Variants in CRTC1 observed in about 807,000 individuals in gnomAD.
The protein encoded by CRTC1 is CREB regulated transcription coactivator 1, also known as CREB-regulated transcription coactivator 1.
CRTC1 carries 18 observed loss-of-function variants against 66.1 expected under a neutral mutation model. The observed-to-expected ratio is 0.27, with a 90% confidence interval of 0.19 to 0.40. The LOEUF (loss-of-function observed/expected upper bound fraction) is 0.40, where lower values mean the gene tolerates loss of function less well. Ranked by LOEUF, CRTC1 falls within the 10% of genes least tolerant of loss-of-function variation. CRTC1 has a pLI of 1.00. For synonymous variants in CRTC1, 416 were observed against 398.8 expected (o/e 1.04, Z -0.51); for missense variants, 669 against 887.9 (o/e 0.75, Z 3.13).
chr19:18,774,997 GC>G lies in CRTC1; in HGVS notation c.1512+14del. The G allele has an allele frequency of 6.2e-7, 1 of 1,601,306 alleles. No homozygotes were observed. ...GCTCTGTCCCACCAGGTGAGCGGGC[GC>G]CCAGGCTGCCAGCCGGCCGGTGCCC... On this transcript the variant is annotated intron_variant, in intron 12 of 13. Transcript: ENST00000321949.
rs549633477 is a variant in CRTC1 at position 18,777,663 on chromosome 19, G to GC, written c.*286dup. On this transcript the variant is annotated 3_prime_UTR_variant, in exon 14 of 14. Coordinates refer to ENST00000321949, the MANE Select transcript of CRTC1 (RefSeq NM_015321.3). This position sits in a 1 kb window ranked among gnomAD's most constrained non-coding sequence, Gnocchi z 5.5. ...AGACCCTCCCTGCACTGGCTCCCTCGCCCCCAGCCCCGGGGCCTGAGCCGT... is the reference window on the plus strand; with the variant it reads ...AGACCCTCCCTGCACTGGCTCCCTCGCCCCCCAGCCCCGGGGCCTGAGCCGT... The GC allele has an allele frequency of 2.5e-5, 11 of 438,580 alleles. No homozygotes were observed. In the South Asian group the frequency reaches 2.6e-4, roughly 10 times the overall value. 27.2% of individuals were successfully genotyped at this position (438,580 alleles called of 1,614,324 possible).
chr19:18,775,550 G>C (rs1253306469), intron 12 of CRTC1, 91 bp from the exon 13 acceptor site: 1 of 1,185,274 alleles, frequency 8.4e-7, no homozygotes, highest in Admixed American at 3.1e-5. Context: ...CCCCAGCTGC[G>C]GGCAGGACAG....
chr19:18,761,906 T>A (rs1373844021), intron 8 of CRTC1, among the ~76,000 whole-genome samples: 2 of 151,836 alleles, frequency 1.3e-5, no homozygotes, highest in Non-Finnish European at 2.9e-5. Context: ...CTCCCACACC[T>A]GGGCCCTGGG....
intron 1 of CRTC1, among the ~76,000 whole-genome samples, chr19:18,696,861 A>G (rs2053001030): frequency 2.8e-5 from 1 of 35,782 alleles, no homozygotes; most frequent in African/African-American, 1.1e-4. Context: ...TGATGGTGAC[A>G]GGGATTATTG....
At chr19:18,737,290 G>A (rs923385797) in intron 1 of CRTC1, among the ~76,000 whole-genome samples, 3 of 152,026 alleles carry the variant, frequency 2.0e-5, no homozygotes, top group East Asian at 1.9e-4. Flanking sequence ...AGGGGGTCCC[G>A]GCGCAGGCTG....
chr19:18,760,607 C>T lies in CRTC1; in HGVS notation c.886+379C>T, dbSNP rs1479493363. Among the ~76,000 whole-genome samples the T allele has an allele frequency of 6.6e-6, 1 of 151,920 alleles. No homozygotes were observed. Among genetic ancestry groups the T allele is most frequent in the Non-Finnish European group, 1.5e-5 (1 of 67,920 alleles). ...GGGACCAGGCCTGACCTGCTTCCTC[C>T]ACCCGACATCTGACAGTGACCACCT... is the stretch of plus-strand genomic sequence containing the variant. On this transcript the variant is annotated intron_variant, in intron 8 of 13. Coordinates refer to ENST00000321949, the MANE Select transcript of CRTC1 (RefSeq NM_015321.3). The surrounding 1 kb of genome is among the most constrained non-coding windows in gnomAD (Gnocchi z 6.2).
In CRTC1 at chr19:18,768,635, G is replaced by A; in HGVS notation, c.1162G>A (p.Ala388Thr). 6.6e-7 allele frequency: 1 copy of A among 1,507,770 alleles called. No individual in the cohort carries two copies. The highest frequency in any genetic ancestry group is 8.9e-7 in the Non-Finnish European group (1 of 1,118,012). The allele number at this position is 1,507,770 out of a possible 1,614,324, so 93.4% of individuals were successfully genotyped here. ...QQPPPPPPPQAPVRLPPGGPL... is the reference protein window; with the variant it reads ...QQPPPPPPPQTPVRLPPGGPL... ...GCCACCACCCCCGCCACCCCCACAG[G>A]CGCCCGTCCGCCTGCCCCCTGGTGG... Residue 388 changes from alanine (A) to threonine (T), a missense_variant, in exon 10 of 14, where the codon GCG becomes ACG. By Grantham distance (58) the Ala-to-Thr change is moderately conservative. Coordinates refer to ENST00000321949, the MANE Select transcript of CRTC1 (RefSeq NM_015321.3). The surrounding 1 kb of genome is among the most constrained non-coding windows in gnomAD (Gnocchi z 5.6).
At chr19:18,700,511 T>TA (rs970019630) in intron 1 of CRTC1, among the ~76,000 whole-genome samples, 4 of 151,476 alleles carry the variant, frequency 2.6e-5, no homozygotes, top group South Asian at 2.1e-4. Flanking sequence ...TTTTTTTAAA[T>TA]AAAAAAAATG....
chr19:18,737,103 C>T (rs113717314), intron 1 of CRTC1, among the ~76,000 whole-genome samples: 9 of 152,208 alleles, frequency 5.9e-5, no homozygotes, highest in South Asian at 2.1e-4. Flanking sequence ...ACTTCCTGGG[C>T]GGGGCAGGGG....
intron 1 of CRTC1, among the ~76,000 whole-genome samples, chr19:18,710,237 C>T (rs2053360322): frequency 6.6e-6 from 1 of 152,192 alleles, no homozygotes; most frequent in African/African-American, 2.4e-5. Flanking sequence ...CTCCATCTAC[C>T]CACCCAGCTG....
At chr19:18,747,631 G>T (rs773088144) in intron 4 of CRTC1, among the ~76,000 whole-genome samples, 1 of 152,042 alleles carries the variant, frequency 6.6e-6, no homozygotes, top group Non-Finnish European at 1.5e-5. Flanking sequence ...AGACTCCATC[G>T]CAAGAAAAAG....
chr19:18,773,764 C>T (rs1300061154), intron 11 of CRTC1, among the ~76,000 whole-genome samples: 1 of 152,160 alleles, frequency 6.6e-6, no homozygotes, highest in Non-Finnish European at 1.5e-5. Context: ...TTGAGTGGGA[C>T]GTCCAACCTC....
chr19:18,760,819 C>G lies in CRTC1; in HGVS notation c.886+591C>G, dbSNP rs1384678336. Among the ~76,000 whole-genome samples, 3 of 152,010 alleles carry G rather than the reference C, an allele frequency of 2.0e-5. No individual in the cohort carries two copies. Among genetic ancestry groups the G allele is most frequent in the African/African-American group, 7.3e-5 (3 of 41,358 alleles). On this transcript the variant is annotated intron_variant, in intron 8 of 13. Coordinates refer to ENST00000321949, the MANE Select transcript of CRTC1 (RefSeq NM_015321.3). The surrounding 1 kb of genome is among the most constrained non-coding windows in gnomAD (Gnocchi z 6.2). ...CACTGATTGCAGAGGTGTCCCCCAA[C>G]TCCTCTGTCCTTTCCCAGACATGGA...
Position 18,781,091 on chromosome 19 carries a change from G to C in CRTC1, c.*3709G>C, listed in dbSNP as rs924850817. 1 of 227,680 alleles carries C rather than the reference G, an allele frequency of 4.4e-6. No homozygotes were observed. The highest frequency in any genetic ancestry group is 8.7e-6 in the Non-Finnish European group (1 of 114,722). The allele number at this position is 227,680 out of a possible 1,614,324, so 14.1% of individuals were successfully genotyped here. A position where few individuals can be genotyped will look rare whatever the true frequency, so the allele number is the denominator to read the frequency against. ...ACCTTCACTGGGTCCCGATGGAGCC[G>C]TCTCAGAGGCCGAGGGGCCCTCTGT... is the stretch of plus-strand genomic sequence containing the variant. On this transcript the variant is annotated 3_prime_UTR_variant, in exon 14 of 14. Coordinates refer to ENST00000321949, the MANE Select transcript of CRTC1 (RefSeq NM_015321.3).
At chr19:18,734,942 G>T (rs542601815) in intron 1 of CRTC1, among the ~76,000 whole-genome samples, 1 of 152,166 alleles carries the variant, frequency 6.6e-6, no homozygotes, top group African/African-American at 2.4e-5. Flanking sequence ...ACCCAGCCCC[G>T]GCCTCTGGGA....
At chr19:18,749,559 G>A (rs190647216) in intron 4 of CRTC1, among the ~76,000 whole-genome samples, 46 of 152,322 alleles carry the variant, frequency 3.0e-4, no homozygotes, top group African/African-American at 1.1e-3. Context: ...GCCACCTCGC[G>A]CGGCTGCTTT....
chr19:18,764,414 C>T (rs1027106613), intron 8 of CRTC1, among the ~76,000 whole-genome samples: 2 of 152,224 alleles, frequency 1.3e-5, no homozygotes, highest in Admixed American at 1.3e-4. Flanking sequence ...TCAGGCCAGG[C>T]TCGCAGGGGT....
Position 18,742,985 on chromosome 19 carries a change from G to A in CRTC1, c.202G>A (p.Val68Met). 3 of 1,613,092 alleles carry A rather than the reference G, an allele frequency of 1.9e-6. No individual in the cohort carries two copies. Among genetic ancestry groups the A allele is most frequent in the East Asian group, 2.2e-5 (1 of 44,852 alleles). The change falls in exon 2 of 14, where the codon GTG (valine) becomes ATG (methionine). Residue 68 changes from valine (V) to methionine (M), a missense_variant. Physicochemically the swap from Val to Met is conservative, Grantham distance 21. Coordinates refer to ENST00000321949, the MANE Select transcript of CRTC1 (RefSeq NM_015321.3). ...GQYYGGSLPN[V>M]NQIGSGTMDL... is the part of the protein sequence containing the mutation. ...GTACTATGGCGGGTCCCTGCCCAAC[G>A]TGAACCAGATCGGGAGTGGCACCAT...
At chr19:18,696,307 G>A in intron 1 of CRTC1, among the ~76,000 whole-genome samples, 1 of 151,752 alleles carries the variant, frequency 6.6e-6, no homozygotes, top group East Asian at 2.0e-4. Context: ...GGCCCTCAGA[G>A]CAGGTACGAC....
Sources: gnomAD v4.1 joint callset for allele counts (sites outside exome capture counted in the v4.1 genomes callset) on GRCh38, gnomAD v4.1.1 for gene constraint, Gnocchi (gnomAD v3.1) non-coding constraint, MANE v1.5 for transcripts, NCBI Gene and HGNC (gene_info 2026-07-23, HGNC 2026-07-21) for gene names.